FAM111A: variants seen among roughly 807,000 people sequenced by gnomAD.
FAM111A encodes the protein serine protease FAM111A.
A neutral mutation model predicts 3.3 loss-of-function variants in FAM111A; 8 were observed. The ratio of observed to expected loss-of-function variants is 2.39; its 90% CI spans 1.40 to 4.32. FAM111A has a LOEUF of 4.32. Among genes scored for constraint, FAM111A ranks in the 30% most tolerant of loss-of-function variants. The pLI, the probability that FAM111A is intolerant of heterozygous loss-of-function variation, is 0.00. For missense variants in FAM111A, 683 were observed against 727.6 expected (o/e 0.94, Z 0.71); for synonymous variants, 227 against 243.1 (o/e 0.93, Z 0.62).
At chr11:59,151,492 G>A (rs912143870) in intron 5 of FAM111A, among the ~76,000 whole-genome samples, 1 of 152,100 alleles carries the variant, frequency 6.6e-6, no homozygotes, top group African/African-American at 2.4e-5. Flanking sequence ...AGGCACCTGG[G>A]AAAAAATTTT....
chr11:59,148,571 T>C (rs1861236135), intron 4 of FAM111A: 1 of 308,584 alleles, frequency 3.2e-6, no homozygotes, highest in Non-Finnish European at 6.0e-6. Flanking sequence ...CCGCAGGAAT[T>C]TGCAGCTAGA....
At position 59,152,927 on chromosome 11, in the gene FAM111A, A is replaced by C. The variant is rs1403706168; in HGVS notation, c.1259A>C (p.Lys420Thr). The C allele has an allele frequency of 6.2e-7, 1 of 1,614,190 alleles. No individual in the cohort carries two copies. The highest frequency in any genetic ancestry group is 8.5e-7 in the Non-Finnish European group (1 of 1,180,048). ...TTTGGTTATGAAGAGCTAAAAGACA[A>C]GGAAACAAACTACTTTTTTGTTGAA... ...VTFGYEELKD[K>T]ETNYFFVEPW... Residue 420 changes from lysine to threonine, a missense_variant, in exon 6 of 6, where the codon AAG becomes ACG. This residue lies in a region of FAM111A where 557 missense variants were observed against 600.2 expected (regional missense o/e 0.93). Coordinates refer to ENST00000675163, the MANE Select transcript of FAM111A (RefSeq NM_001312909.2).
At position 59,153,703 on chromosome 11, in the gene FAM111A, A is replaced by T. The variant is rs983654201; in HGVS notation, c.*199A>T. 2.2e-4 allele frequency: 71 copies of T among 323,228 alleles called. No individual in the cohort carries two copies. Among genetic ancestry groups the T allele is most frequent in the South Asian group, 3.8e-4 (8 of 21,226 alleles). The allele number at this position is 323,228 out of a possible 1,614,324, so 20.0% of individuals were successfully genotyped here. On this transcript the variant is annotated 3_prime_UTR_variant, in exon 6 of 6. Coordinates refer to ENST00000675163, the MANE Select transcript of FAM111A (RefSeq NM_001312909.2). The stretch of plus-strand genomic sequence containing the variant: ...ATGAGATGGACTATAACTTGCCCAA[A>T]TTTTTTTTTTTTTTTTGAGACTGAG...
At chr11:59,150,210 A>G (rs1361828345) in intron 5 of FAM111A, among the ~76,000 whole-genome samples, 5 of 152,318 alleles carry the variant, frequency 3.3e-5, no homozygotes, top group Non-Finnish European at 2.9e-5. Context: ...CATGACAAAG[A>G]TGTTTCTGAC....
Position 59,152,936 on chromosome 11 carries a change from A to T in FAM111A, c.1268A>T (p.Asn423Ile), listed in dbSNP as rs749524786. 2.5e-6 allele frequency: 4 copies of T among 1,614,034 alleles called. No individual in the cohort carries two copies. The highest frequency in any genetic ancestry group is 2.5e-6 in the Non-Finnish European group (3 of 1,180,036). ...GYEELKDKET[N>I]YFFVEPWFEI... ...GAAGAGCTAAAAGACAAGGAAACAA[A>T]CTACTTTTTTGTTGAACCTTGGTTT... Residue 423 changes from asparagine (N) to isoleucine (I), a missense_variant, in exon 6 of 6, where the codon AAC (asparagine) becomes ATC (isoleucine). This residue lies in a region of FAM111A where 557 missense variants were observed against 600.2 expected (regional missense o/e 0.93). Coordinates refer to ENST00000675163, the MANE Select transcript of FAM111A (RefSeq NM_001312909.2).
chr11:59,147,706 A>C (rs1231426290), intron 4 of FAM111A, among the ~76,000 whole-genome samples: 1 of 152,234 alleles, frequency 6.6e-6, no homozygotes, highest in Non-Finnish European at 1.5e-5. Flanking sequence ...AAATTGGCAA[A>C]AAAATGAACA....
At chr11:59,150,690 C>G (rs1460865155) in intron 5 of FAM111A, among the ~76,000 whole-genome samples, 9 of 152,168 alleles carry the variant, frequency 5.9e-5, no homozygotes, top group African/African-American at 2.2e-4. Flanking sequence ...AATGTATACA[C>G]TAGTCCAGTG....
Position 59,154,551 on chromosome 11 carries a change from C to T in FAM111A, c.*1047C>T, listed in dbSNP as rs1862093539. On this transcript the variant is annotated 3_prime_UTR_variant, in exon 6 of 6. Coordinates refer to ENST00000675163, the MANE Select transcript of FAM111A (RefSeq NM_001312909.2). ...GATTCAACCAAGCCTGCAAATCTCCCTCTTGTGGAATTCCACTGGACCCAA... is the reference window on the plus strand; with the variant it reads ...GATTCAACCAAGCCTGCAAATCTCCTTCTTGTGGAATTCCACTGGACCCAA... 6.6e-6 allele frequency: 1 copy of T among 152,216 alleles called. No individual in the cohort carries two copies. Among genetic ancestry groups the T allele is most frequent in the Admixed American group, 6.5e-5 (1 of 15,290 alleles). 9.4% of individuals were successfully genotyped at this position (152,216 alleles called of 1,614,324 possible).
chr11:59,153,276 T>A lies in FAM111A; in HGVS notation c.1608T>A (p.Phe536Leu). The change falls in exon 6 of 6, where the codon TTT becomes TTA. Residue 536 changes from phenylalanine to leucine, a missense_variant. Phe to Leu is a conservative substitution (Grantham distance 22, BLOSUM62 0). Around this residue, in one of 3 missense-constraint regions of FAM111A, gnomAD observed 122 missense variants for 110.9 expected, o/e 1.10. Transcript: ENST00000675163. ...NPDVITYDTE[F>L]FFGASGSPVF... ...ATGTGATTACCTATGACACTGAATTTTTCTTTGGGGCTTCCGGCTCCCCTG... is the reference window on the plus strand; with the variant it reads ...ATGTGATTACCTATGACACTGAATTATTCTTTGGGGCTTCCGGCTCCCCTG... 1 of 1,614,142 alleles carries A rather than the reference T, an allele frequency of 6.2e-7. No homozygotes were observed.
Position 59,143,117 on chromosome 11 carries a change from G to A in FAM111A, c.-493G>A, listed in dbSNP as rs1050801657. The A allele has an allele frequency of 6.6e-6, 1 of 152,340 alleles. No homozygotes were observed. Among genetic ancestry groups the A allele is most frequent in the African/African-American group, 2.4e-5 (1 of 41,456 alleles). 9.4% of individuals were successfully genotyped at this position (152,340 alleles called of 1,614,324 possible). On this transcript the variant is annotated 5_prime_UTR_variant, in exon 2 of 6. Coordinates refer to ENST00000675163, the MANE Select transcript of FAM111A (RefSeq NM_001312909.2). ...GCGCAGCCAATCGGCTTCCGAAGTA[G>A]GTGAGTTGCTGCCTGAAGAGAAAAG...
rs186105102 is a variant in FAM111A, at chr11:59,149,861, T to C, written c.81+908T>C. 1.1e-4 allele frequency among the ~76,000 whole-genome samples: 16 copies of C among 152,302 alleles called. No individual in the cohort carries two copies. In the East Asian group the frequency reaches 2.9e-3, roughly 28 times the overall value. The stretch of plus-strand genomic sequence containing the variant: ...GTTTAATGACATGTAGTTGGGCCTT[T>C]TTCTACTGATTGGGCTCTGTTATCA... On this transcript the variant is annotated intron_variant, in intron 5 of 5. Transcript: ENST00000675163.
intron 5 of FAM111A, among the ~76,000 whole-genome samples, chr11:59,149,764 T>G (rs1861419724): frequency 6.6e-6 from 1 of 152,188 alleles, no homozygotes; most frequent in African/African-American, 2.4e-5. Context: ...AAATCTTCAA[T>G]TTGTTTATTG....
chr11:59,143,746 C>T (rs1860464303), intron 3 of FAM111A, 51 bp downstream of exon 3: 1 of 152,206 alleles, frequency 6.6e-6, no homozygotes, highest in African/African-American at 2.4e-5. Context: ...CATAGCTTGC[C>T]AACTACATTA....
rs751520160 is a variant in FAM111A, at chr11:59,153,514, C to T, written c.*10C>T. 2 of 1,576,730 alleles carry T rather than the reference C, an allele frequency of 1.3e-6. No individual in the cohort carries two copies. Among genetic ancestry groups the T allele is most frequent in the Non-Finnish European group, 1.7e-6 (2 of 1,160,522 alleles). ...TGATGAGGACTTGTGAGAATTCAGT[C>T]TACTGGATTTAAGGGAATGGCTTAT... is the stretch of plus-strand genomic sequence containing the variant. On this transcript the variant is annotated 3_prime_UTR_variant, in exon 6 of 6. Transcript: ENST00000675163.
Position 59,154,962 on chromosome 11 carries a change from G to A in FAM111A, c.*1458G>A, listed in dbSNP as rs1862132599. On this transcript the variant is annotated 3_prime_UTR_variant, in exon 6 of 6. Coordinates refer to ENST00000675163, the MANE Select transcript of FAM111A (RefSeq NM_001312909.2). ...TTATATAAAGGGTACTTTTGGGAGG[G>A]TGAGTGCCGCCATTTAGTGGCTGCT... The A allele has an allele frequency of 6.6e-6, 1 of 152,548 alleles. No individual in the cohort carries two copies. The highest frequency in any genetic ancestry group is 2.4e-5 in the African/African-American group (1 of 41,444). 9.4% of individuals were successfully genotyped at this position (152,548 alleles called of 1,614,324 possible). A position where few individuals can be genotyped will look rare whatever the true frequency, so the allele number is the denominator to read the frequency against.
At position 59,152,055 on chromosome 11, in the gene FAM111A, T is replaced by C; in HGVS notation, c.387T>C (p.Arg129=). 1.9e-6 allele frequency: 3 copies of C among 1,614,218 alleles called. No individual in the cohort carries two copies. The highest frequency in any genetic ancestry group is 2.5e-6 in the Non-Finnish European group (3 of 1,180,046). The change falls in exon 6 of 6, where the codon CGT becomes CGC. Residue 129 remains arginine, a synonymous_variant. Transcript: ENST00000675163. ...ACCAAGGCCAAGAAATGCTTGTGCG[T>C]GGCACAGAAGGAATCAAAGAGTACA... ...ETHQGQEMLV[R]GTEGIKEYIN...
rs761722101 is a variant in FAM111A, at chr11:59,153,109, C to A, written c.1441C>A (p.Gln481Lys). ...IIGHPYGEKK[Q>K]IDACAVIPQG... ...TGGCCATCCATATGGAGAAAAAAAGCAGATTGATGCTTGTGCTGTGATCCC... is the reference window on the plus strand; with the variant it reads ...TGGCCATCCATATGGAGAAAAAAAGAAGATTGATGCTTGTGCTGTGATCCC... Residue 481 changes from glutamine (Q) to lysine (K), a missense_variant, in exon 6 of 6, where the codon CAG (glutamine) becomes AAG (lysine). Physicochemically the swap from Gln to Lys is moderately conservative, Grantham distance 53. Transcript: ENST00000675163. 2.5e-6 allele frequency: 4 copies of A among 1,614,014 alleles called. No individual in the cohort carries two copies. Among genetic ancestry groups the A allele is most frequent in the African/African-American group, 1.3e-5 (1 of 74,906 alleles).
rs1862080466 is a variant in FAM111A at position 59,154,387 on chromosome 11, TC to T, written c.*886del. 1.3e-5 allele frequency: 2 copies of T among 152,234 alleles called. No individual in the cohort carries two copies. The highest frequency in any genetic ancestry group is 6.5e-5 in the Admixed American group (1 of 15,284). 9.4% of individuals were successfully genotyped at this position (152,234 alleles called of 1,614,324 possible). ...AAATTCAGAAGATGATAGTCACTCT[TC>T]CCATATTTATAGGCTATTAAGGCAA... is the stretch of plus-strand genomic sequence containing the variant. On this transcript the variant is annotated 3_prime_UTR_variant, in exon 6 of 6. Transcript: ENST00000675163.
chr11:59,149,636 C>T (rs772900391), intron 5 of FAM111A, among the ~76,000 whole-genome samples: 7 of 152,106 alleles, frequency 4.6e-5, no homozygotes, highest in Admixed American at 1.3e-4. Context: ...CCATTCCAAA[C>T]GTGGCTGATC....
Sources: allele counts gnomAD v4.1 joint callset (sites outside exome capture counted in the v4.1 genomes callset), GRCh38; gene constraint gnomAD v4.1.1; regional missense constraint gnomAD v4.1.1; transcripts MANE v1.5; gene names NCBI Gene and HGNC (gene_info 2026-07-23, HGNC 2026-07-21).